Variants in UHMK1 observed in about 807,000 individuals in gnomAD.
UHMK1 encodes the protein serine/threonine-protein kinase Kist.
In UHMK1, 18 loss-of-function variants were observed where a neutral mutation model predicts 44.0. That is an observed-to-expected ratio of 0.41 (90% CI 0.28 to 0.61). The LOEUF (loss-of-function observed/expected upper bound fraction) is 0.61. UHMK1 is among the 20% of genes least tolerant of loss of function. The pLI is 0.31. For synonymous variants in UHMK1, 231 were observed against 198.5 expected, an observed-to-expected ratio of 1.16 and a Z score of -1.38; for missense variants, 463 against 522.5, an observed-to-expected ratio of 0.89 and a Z score of 1.11.
chr1:162,506,898 T>C (rs1651490271), intron 4 of UHMK1, among the ~76,000 whole-genome samples: 5 of 152,160 alleles, frequency 3.3e-5, no homozygotes, highest in Admixed American at 3.3e-4. Flanking sequence ...TCTTCTTGTC[T>C]AGATGCCCAG....
rs1164607397 is a variant in UHMK1 at position 162,498,274 on chromosome 1, T to G, written c.268+6T>G. 12 of 1,576,140 alleles carry G rather than the reference T, an allele frequency of 7.6e-6. No individual in the cohort carries two copies. Among genetic ancestry groups the G allele is most frequent in the Non-Finnish European group, 8.6e-6 (10 of 1,156,838 alleles). ...GCAGGGTCACAGAAACATCGGTAATTGCCGCTGTCTCCTTTCTCTTCTTGC... is the reference window on the plus strand; with the variant it reads ...GCAGGGTCACAGAAACATCGGTAATGGCCGCTGTCTCCTTTCTCTTCTTGC... On this transcript the variant is annotated splice_donor_region_variant and intron_variant, in intron 1 of 7. Coordinates refer to ENST00000489294, the MANE Select transcript of UHMK1 (RefSeq NM_175866.5).
chr1:162,499,787 A>G (rs1651200207), intron 1 of UHMK1, among the ~76,000 whole-genome samples, 168 bp from the exon 2 acceptor site: 1 of 152,222 alleles, frequency 6.6e-6, no homozygotes, highest in African/African-American at 2.4e-5. Flanking sequence ...TTATTAAAAT[A>G]ACCCAATTGC....
chr1:162,500,748 G>T, intron 2 of UHMK1, 165 bp from the exon 3 acceptor site: 1 of 628,088 alleles, frequency 1.6e-6, no homozygotes. Flanking sequence ...TCTGAGAACT[G>T]CCCAGTTAAT....
chr1:162,515,903 G>A (rs924222813), intron 6 of UHMK1, among the ~76,000 whole-genome samples: 3 of 151,974 alleles, frequency 2.0e-5, no homozygotes, highest in Admixed American at 6.6e-5. Flanking sequence ...GCGTGGTGGC[G>A]GGCGCCTGTA....
intron 4 of UHMK1, among the ~76,000 whole-genome samples, chr1:162,504,137 T>C (rs9970236): frequency 2.6e-3 from 393 of 152,156 alleles, no homozygotes; most frequent in African/African-American, 8.8e-3. Flanking sequence ...TTAAAGAGAG[T>C]CTTTTTTAAC....
Position 162,500,930 on chromosome 1 carries a change from G to A in UHMK1, c.579G>A (p.Gln193=). 6.2e-7 allele frequency: 1 copy of A among 1,613,810 alleles called. No homozygotes were observed. The highest frequency in any genetic ancestry group is 2.2e-5 in the East Asian group (1 of 44,876). The stretch of plus-strand genomic sequence containing the variant: ...TTTTTTAGGATGTAAAGTATATTCA[G>A]ACAGACGGGTATCGGGCTCCAGAAG... The part of the protein sequence containing the change: ...KEGNQDVKYI[Q]TDGYRAPEAE... The change falls in exon 3 of 8, where the codon CAG becomes CAA. Residue 193 remains glutamine (Q), a synonymous_variant. Transcript: ENST00000489294.
chr1:162,514,575 CAGTA>C (rs1377512322), intron 6 of UHMK1, among the ~76,000 whole-genome samples: 1 of 152,108 alleles, frequency 6.6e-6, no homozygotes, highest in African/African-American at 2.4e-5. Context: ...CACTGACACA[CAGTA>C]GGCACTCAAA....
chr1:162,500,495 C>A (rs1445312004), intron 2 of UHMK1: 53 of 480,566 alleles, frequency 1.1e-4, no homozygotes, highest in Non-Finnish European at 3.3e-5. Flanking sequence ...AGTACTTAAC[C>A]TACATAGAAT....
At chr1:162,508,232 C>T (rs1651546888) in intron 4 of UHMK1, among the ~76,000 whole-genome samples, 1 of 151,998 alleles carries the variant, frequency 6.6e-6, no homozygotes, top group Admixed American at 6.6e-5. Flanking sequence ...CCTCCTCACC[C>T]TCCTGAGTAG....
At chr1:162,513,893 A>G (rs1651750967) in intron 6 of UHMK1, among the ~76,000 whole-genome samples, 1 of 152,236 alleles carries the variant, frequency 6.6e-6, no homozygotes, top group South Asian at 2.1e-4. Context: ...TTTATGATTA[A>G]GTATTCAATA....
Position 162,500,095 on chromosome 1 carries a change from C to T in UHMK1, c.409C>T (p.His137Tyr). 1.2e-6 allele frequency: 2 copies of T among 1,614,188 alleles called. No homozygotes were observed. Among genetic ancestry groups the T allele is most frequent in the Non-Finnish European group, 1.7e-6 (2 of 1,180,040 alleles). The change falls in exon 2 of 8, where the codon CAT becomes TAT. Residue 137 changes from histidine (H) to tyrosine (Y), a missense_variant. Coordinates refer to ENST00000489294, the MANE Select transcript of UHMK1 (RefSeq NM_175866.5). ...GGGTTGTTCCATGTGGATGATACAG[C>T]ATTGTGCCCGAGATGTTTTGGAGGC... ...HQGCSMWMIQ[H>Y]CARDVLEALA...
intron 4 of UHMK1, among the ~76,000 whole-genome samples, chr1:162,510,772 G>A (rs1433563959): frequency 2.0e-5 from 3 of 151,812 alleles, no homozygotes; most frequent in Non-Finnish European, 4.4e-5. Context: ...TGCAACAAAC[G>A]TGGGCCTACA....
chr1:162,525,618 A>G lies in UHMK1; in HGVS notation c.*3068A>G, dbSNP rs1475912701. 1 of 152,238 alleles carries G rather than the reference A, an allele frequency of 6.6e-6. No homozygotes were observed. The highest frequency in any genetic ancestry group is 1.5e-5 in the Non-Finnish European group (1 of 68,040). 9.4% of individuals were successfully genotyped at this position (152,238 alleles called of 1,614,324 possible). ...GTTGGACACCTCAGTAAGAGACAGCATTAACTAAAAGTACTGACTGCCTTT... is the reference window on the plus strand; with the variant it reads ...GTTGGACACCTCAGTAAGAGACAGCGTTAACTAAAAGTACTGACTGCCTTT... On this transcript the variant is annotated 3_prime_UTR_variant, in exon 8 of 8. Coordinates refer to ENST00000489294, the MANE Select transcript of UHMK1 (RefSeq NM_175866.5).
chr1:162,521,001 C>T (rs926190586), intron 7 of UHMK1, among the ~76,000 whole-genome samples: 1 of 152,118 alleles, frequency 6.6e-6, no homozygotes, highest in African/African-American at 2.4e-5. Flanking sequence ...GAGAAGTTTT[C>T]ACTGACATTT....
At chr1:162,505,507 C>T (rs909854104) in intron 4 of UHMK1, among the ~76,000 whole-genome samples, 28 of 152,134 alleles carry the variant, frequency 1.8e-4, no homozygotes, top group Middle Eastern at 3.2e-3. Flanking sequence ...TATGTCCTAC[C>T]GCAACACCTG....
upstream of UHMK1, chr1:162,497,780 G>T (rs1014129907): frequency 4.2e-6 from 5 of 1,200,516 alleles, no homozygotes; most frequent in African/African-American, 8.0e-5. Context: ...CCCCTCCTTC[G>T]GCCTGTATGA....
Position 162,527,719 on chromosome 1 carries a change from A to G in UHMK1, c.*5169A>G, listed in dbSNP as rs1365072220. The G allele has an allele frequency of 6.6e-6, 1 of 152,084 alleles. No individual in the cohort carries two copies. Among genetic ancestry groups the G allele is most frequent in the Admixed American group, 6.6e-5 (1 of 15,258 alleles). 9.4% of individuals were successfully genotyped at this position (152,084 alleles called of 1,614,324 possible). A position where few individuals can be genotyped will look rare whatever the true frequency, so the allele number is the denominator to read the frequency against. On this transcript the variant is annotated 3_prime_UTR_variant, in exon 8 of 8. Transcript: ENST00000489294. ...ATTGGGTAGCTGTCACAATAACCAGAAGAAATCTTGTGGCCCTTTTGAAGA... is the reference window on the plus strand; with the variant it reads ...ATTGGGTAGCTGTCACAATAACCAGGAGAAATCTTGTGGCCCTTTTGAAGA...
At position 162,501,070 on chromosome 1, in the gene UHMK1, A is replaced by T. The variant is rs564088243; in HGVS notation, c.719A>T (p.Lys240Ile). ...TTACTGGAAATGTTCTCAGGAATGA[A>T]ACTGAAACATACAGTCAGATCTCAG... is the stretch of plus-strand genomic sequence containing the variant. ...IILLEMFSGM[K>I]LKHTVRSQEW... The change falls in exon 3 of 8, where the codon AAA (lysine) becomes ATA (isoleucine). Residue 240 changes from lysine (K) to isoleucine (I), a missense_variant. Around this residue, in one of 3 missense-constraint regions of UHMK1, gnomAD observed 264 missense variants for 326.3 expected, o/e 0.81. Transcript: ENST00000489294. The T allele has an allele frequency of 6.2e-7, 1 of 1,614,152 alleles. No homozygotes were observed. The highest frequency in any genetic ancestry group is 2.2e-5 in the East Asian group (1 of 44,882).
Position 162,498,237 on chromosome 1 carries a change from G to A in UHMK1, c.237G>A (p.Ala79=). 6.2e-7 allele frequency: 1 copy of A among 1,606,928 alleles called. No homozygotes were observed. The highest frequency in any genetic ancestry group is 8.5e-7 in the Non-Finnish European group (1 of 1,176,260). ...ATGGTTTCCGCAAAGAGAGGGCGGC[G>A]CTGGAACAGTTGCAGGGTCACAGAA... ...AEYGFRKERA[A]LEQLQGHRNI... Residue 79 remains alanine, a synonymous_variant, in exon 1 of 8, where the codon GCG becomes GCA. Transcript: ENST00000489294.
Sources: allele counts gnomAD v4.1 joint callset (sites outside exome capture counted in the v4.1 genomes callset), GRCh38; gene constraint gnomAD v4.1.1; regional missense constraint gnomAD v4.1.1; transcripts MANE v1.5; gene names NCBI Gene and HGNC (gene_info 2026-07-23, HGNC 2026-07-21).